The following SGCZ variants were observed in gnomAD, a reference collection of about 807,000 sequenced individuals.
SGCZ encodes the protein zeta-sarcoglycan.
SGCZ carries 40 observed loss-of-function variants against 41.3 expected under a neutral mutation model. That is an observed-to-expected ratio of 0.97 (90% CI 0.75 to 1.26). The LOEUF is 1.26. Ranked by LOEUF, SGCZ falls within the 50% of genes most tolerant of loss-of-function variation. The probability of loss-of-function intolerance (pLI) is 0.00; values close to 1 mark genes in which losing one functional copy is unlikely to be tolerated. For synonymous variants in SGCZ, 206 were observed against 137.5 expected, an observed-to-expected ratio of 1.50 and a Z score of -3.49; for missense variants, 552 against 369.8, an observed-to-expected ratio of 1.49 and a Z score of -4.04.
At chr8:14,308,139 T>G (rs1310197543) in intron 3 of SGCZ, among the ~76,000 whole-genome samples, 2 of 152,116 alleles carry the variant, frequency 1.3e-5, no homozygotes, top group Admixed American at 6.6e-5. Context: ...GGAGACTACT[T>G]ATTTCTTCAA....
chr8:14,980,998 T>C (rs1411240830), intron 1 of SGCZ, among the ~76,000 whole-genome samples: 2 of 152,152 alleles, frequency 1.3e-5, no homozygotes, highest in African/African-American at 4.8e-5. Context: ...TTTGCTCAAC[T>C]TGCCTTGACA....
chr8:14,800,530 G>T (rs1196705689), intron 1 of SGCZ, among the ~76,000 whole-genome samples: 1 of 152,086 alleles, frequency 6.6e-6, no homozygotes, highest in South Asian at 2.1e-4. Flanking sequence ...TTGGAGGAGG[G>T]GCCTGGTGGA....
chr8:14,954,839 G>A (rs1361816392), intron 1 of SGCZ, among the ~76,000 whole-genome samples: 1 of 152,146 alleles, frequency 6.6e-6, no homozygotes, highest in South Asian at 2.1e-4. Flanking sequence ...AGAGCAACTT[G>A]CATAATAAAT....
intron 1 of SGCZ, among the ~76,000 whole-genome samples, chr8:15,223,249 A>G (rs762191602): frequency 2.4e-4 from 36 of 152,326 alleles, no homozygotes; most frequent in Non-Finnish European, 3.5e-4. Flanking sequence ...GCTAAGCACT[A>G]TCTAAAATGG....
At chr8:15,218,780 G>A (rs1386222885) in intron 1 of SGCZ, among the ~76,000 whole-genome samples, 1 of 152,136 alleles carries the variant, frequency 6.6e-6, no homozygotes, top group Non-Finnish European at 1.5e-5. Flanking sequence ...ATTGATGACT[G>A]TACCCACATA....
intron 1 of SGCZ, among the ~76,000 whole-genome samples, chr8:14,843,032 G>A (rs1047253084): frequency 6.6e-6 from 1 of 152,192 alleles, no homozygotes; most frequent in Non-Finnish European, 1.5e-5. Context: ...GGCCAAAGTG[G>A]TGAAACCCCA....
rs1428887590 is a variant in SGCZ, at chr8:14,868,296, G to A, written c.40-313370C>T. 2.0e-5 allele frequency among the ~76,000 whole-genome samples: 3 copies of A among 152,136 alleles called. No individual in the cohort carries two copies. The East Asian group carries it at 5.8e-4, about 29-fold the overall frequency. ...GCTCTGCTCAAATCTTGCATCTTCTGTGTTCCTTTCACTGTGGCATGTAGC... is the reference window on the plus strand; with the variant it reads ...GCTCTGCTCAAATCTTGCATCTTCTATGTTCCTTTCACTGTGGCATGTAGC... On this transcript the variant is annotated intron_variant, in intron 1 of 7. Transcript: ENST00000382080.
chr8:14,258,879 T>C (rs1357599311), intron 3 of SGCZ, among the ~76,000 whole-genome samples: 2 of 152,186 alleles, frequency 1.3e-5, no homozygotes, highest in Non-Finnish European at 2.9e-5. Context: ...TTCTTCATGC[T>C]TGCAACTAAC....
chr8:14,440,217 T>A (rs915223212), intron 2 of SGCZ, among the ~76,000 whole-genome samples: 1 of 152,078 alleles, frequency 6.6e-6, no homozygotes, highest in Non-Finnish European at 1.5e-5. Context: ...CATAGATATA[T>A]GATATTTTTC....
intron 2 of SGCZ, among the ~76,000 whole-genome samples, chr8:14,481,751 T>G (rs1414241811): frequency 1.3e-5 from 2 of 152,184 alleles, no homozygotes; most frequent in African/African-American, 4.8e-5. Context: ...AATTAAAAAC[T>G]TTTAAATTGA....
intron 2 of SGCZ, among the ~76,000 whole-genome samples, chr8:14,325,009 T>C (rs1180648591): frequency 1.3e-5 from 2 of 152,066 alleles, no homozygotes; most frequent in Non-Finnish European, 2.9e-5. Context: ...TTTTTGAATA[T>C]TGGGAGAGAA....
intron 1 of SGCZ, among the ~76,000 whole-genome samples, chr8:14,975,870 T>C (rs1801455349): frequency 1.9e-5 from 2 of 105,120 alleles, no homozygotes; most frequent in Admixed American, 1.8e-4. Context: ...TCAAGAAAAA[T>C]TTTACACACA....
At chr8:14,261,731 A>G (rs1799675124) in intron 3 of SGCZ, among the ~76,000 whole-genome samples, 1 of 152,160 alleles carries the variant, frequency 6.6e-6, no homozygotes, top group Non-Finnish European at 1.5e-5. Flanking sequence ...CACGCTGAAG[A>G]TTCACTTTAG....
At chr8:14,380,820 C>G (rs1032063597) in intron 2 of SGCZ, among the ~76,000 whole-genome samples, 6 of 152,088 alleles carry the variant, frequency 3.9e-5, no homozygotes, top group South Asian at 2.1e-4. Flanking sequence ...GATCATGCCA[C>G]TGCACTCCAG....
intron 1 of SGCZ, among the ~76,000 whole-genome samples, chr8:14,590,286 T>C (rs1373526154): frequency 6.6e-6 from 1 of 151,976 alleles, no homozygotes; most frequent in Non-Finnish European, 1.5e-5. Context: ...CCTTAGCACA[T>C]AAACAGGAGT....
chr8:14,309,815 G>C (rs1316080174), intron 3 of SGCZ: 43 of 1,390,658 alleles, frequency 3.1e-5, no homozygotes, highest in Admixed American at 4.8e-5. Context: ...TATAAGAGAA[G>C]TCTCATTCGC....
chr8:14,863,975 T>C (rs925665453), intron 1 of SGCZ, among the ~76,000 whole-genome samples: 7 of 152,146 alleles, frequency 4.6e-5, no homozygotes, highest in Non-Finnish European at 8.8e-5. Flanking sequence ...TTCAAGAAAT[T>C]ACTAACTATT....
intron 2 of SGCZ, among the ~76,000 whole-genome samples, chr8:14,395,054 G>C (rs1287603874): frequency 1.3e-5 from 2 of 152,154 alleles, no homozygotes; most frequent in African/African-American, 4.8e-5. Flanking sequence ...CAATTCTGAA[G>C]ATTAAATCAA....
At chr8:14,624,939 T>C (rs1378784165) in intron 1 of SGCZ, among the ~76,000 whole-genome samples, 2 of 152,108 alleles carry the variant, frequency 1.3e-5, no homozygotes, top group African/African-American at 4.8e-5. Context: ...AGATCGTCCT[T>C]GATATTTAGA....
Sources: gnomAD v4.1 joint callset for allele counts (sites outside exome capture counted in the v4.1 genomes callset) on GRCh38, gnomAD v4.1.1 for gene constraint, MANE v1.5 for transcripts, NCBI Gene and HGNC (gene_info 2026-07-23, HGNC 2026-07-21) for gene names.